The following RIMS2 variants were observed in gnomAD, a reference collection of about 807,000 sequenced individuals.
The protein encoded by RIMS2 is regulating synaptic membrane exocytosis protein 2.
A neutral mutation model predicts 174.4 loss-of-function variants in RIMS2; 59 were observed. That is an observed-to-expected ratio of 0.34 (90% CI 0.27 to 0.42). The LOEUF (loss-of-function observed/expected upper bound fraction) is 0.42. Ranked by LOEUF, RIMS2 falls within the 10% of genes least tolerant of loss-of-function variation. The pLI is 1.00. For synonymous variants in RIMS2, 606 were observed against 572.5 expected, an observed-to-expected ratio of 1.06 and a Z score of -0.84; for missense variants, 1,620 against 1,666.3, an observed-to-expected ratio of 0.97 and a Z score of 0.48.
chr8:103,715,940 T>G (rs1326276841), intron 2 of RIMS2, among the ~76,000 whole-genome samples: 4 of 152,114 alleles, frequency 2.6e-5, no homozygotes, highest in African/African-American at 9.6e-5. Context: ...TTCTTAAACA[T>G]TTTTCAGTTT....
intron 1 of RIMS2, among the ~76,000 whole-genome samples, chr8:103,643,112 T>C (rs913389976): frequency 2.0e-5 from 3 of 152,098 alleles, no homozygotes; most frequent in African/African-American, 7.2e-5. Flanking sequence ...TTTTGTGTTT[T>C]TGTTTTTCAG....
intron 19 of RIMS2, among the ~76,000 whole-genome samples, chr8:104,081,097 C>T (rs1313105156): frequency 6.6e-6 from 1 of 151,900 alleles, no homozygotes; most frequent in African/African-American, 2.4e-5. Flanking sequence ...AAACTTACTA[C>T]CTCAATATAA....
intron 1 of RIMS2, among the ~76,000 whole-genome samples, chr8:103,602,912 T>A (rs2094829891): frequency 6.6e-6 from 1 of 152,238 alleles, no homozygotes; most frequent in South Asian, 2.1e-4. Context: ...TGAAATAATT[T>A]ACAGTCCCAC....
chr8:103,553,111 A>T (rs1301448691), intron 1 of RIMS2, among the ~76,000 whole-genome samples: 4 of 152,118 alleles, frequency 2.6e-5, no homozygotes, highest in African/African-American at 9.7e-5. Context: ...TACCCAAAGG[A>T]TTATAAATCA....
chr8:103,768,070 CA>C (rs2098199226), intron 3 of RIMS2, among the ~76,000 whole-genome samples: 1 of 152,090 alleles, frequency 6.6e-6, no homozygotes, highest in Admixed American at 6.5e-5. Flanking sequence ...AATGATGAGG[CA>C]ATGTGGTTGG....
intron 3 of RIMS2, among the ~76,000 whole-genome samples, chr8:103,857,683 T>G (rs1406484415): frequency 6.6e-6 from 1 of 152,218 alleles, no homozygotes; most frequent in African/African-American, 2.4e-5. Flanking sequence ...CTAATCAATT[T>G]GTTGTTTTTA....
At chr8:104,064,374 G>A (rs2154560809) in intron 19 of RIMS2, among the ~76,000 whole-genome samples, 1 of 152,154 alleles carries the variant, frequency 6.6e-6, no homozygotes, top group South Asian at 2.1e-4. Flanking sequence ...AATATTTTGA[G>A]CTATTTATTA....
intron 1 of RIMS2, among the ~76,000 whole-genome samples, chr8:103,607,267 G>A (rs1337220307): frequency 6.6e-6 from 1 of 152,028 alleles, no homozygotes; most frequent in East Asian, 1.9e-4. Flanking sequence ...ATGAAGCTTA[G>A]TTTGGCTGGA....
Position 104,180,831 on chromosome 8 carries a change from G to A in RIMS2, c.3335-64085G>A, listed in dbSNP as rs80264211. ...TATTAATAAAGTAACTAGGACAAGG[G>A]CAAAAAAGTAATCAGAAGCAATGTT... On this transcript the variant is annotated intron_variant, in intron 19 of 23. Coordinates refer to ENST00000504942, the Ensembl canonical transcript of RIMS2. 5.7e-3 allele frequency among the ~76,000 whole-genome samples: 860 copies of A among 151,740 alleles called. 6 individuals are homozygous for A. The highest frequency in any genetic ancestry group is 0.019 in the African/African-American group (796 of 41,498).
intron 2 of RIMS2, among the ~76,000 whole-genome samples, chr8:103,714,593 C>T (rs1018099791): frequency 6.6e-6 from 1 of 152,044 alleles, no homozygotes; most frequent in Non-Finnish European, 1.5e-5. Flanking sequence ...ACATTAGTTT[C>T]CTAGGAGACT....
chr8:103,768,327 T>A, intron 3 of RIMS2: 1 of 664,184 alleles, frequency 1.5e-6, no homozygotes, highest in South Asian at 1.6e-5. Context: ...CAGAAACTCA[T>A]TGAAGTGGAT....
At chr8:103,668,486 C>G (rs1332426189) in intron 1 of RIMS2, among the ~76,000 whole-genome samples, 1 of 151,958 alleles carries the variant, frequency 6.6e-6, no homozygotes, top group Non-Finnish European at 1.5e-5. Context: ...AATGGCCAAT[C>G]AGGTAGCAGA....
intron 1 of RIMS2, among the ~76,000 whole-genome samples, chr8:103,666,306 G>C (rs887759597): frequency 6.6e-6 from 1 of 152,150 alleles, no homozygotes; most frequent in Admixed American, 6.5e-5. Flanking sequence ...TTAGATTACA[G>C]TTCACTATGT....
At chr8:103,637,513 G>A (rs2096116626) in intron 1 of RIMS2, among the ~76,000 whole-genome samples, 1 of 152,116 alleles carries the variant, frequency 6.6e-6, no homozygotes, top group Non-Finnish European at 1.5e-5. Context: ...TTTTAAAAAT[G>A]TTTTATAGAA....
intron 3 of RIMS2, among the ~76,000 whole-genome samples, chr8:103,845,127 C>G (rs961086180): frequency 6.6e-6 from 1 of 152,002 alleles, no homozygotes; most frequent in Non-Finnish European, 1.5e-5. Flanking sequence ...GAAAGTTAAA[C>G]CTACAATCAC....
chr8:103,759,724 A>G (rs1050536899), intron 2 of RIMS2, among the ~76,000 whole-genome samples: 13 of 152,154 alleles, frequency 8.5e-5, no homozygotes, highest in African/African-American at 2.9e-4. Flanking sequence ...GACTTTGCAG[A>G]AGAAGCTGCA....
chr8:103,680,495 T>C (rs1256649655), intron 1 of RIMS2, among the ~76,000 whole-genome samples: 1 of 152,044 alleles, frequency 6.6e-6, no homozygotes, highest in Non-Finnish European at 1.5e-5. Context: ...TTTTGTTTTG[T>C]TTTATATAGC....
intron 16 of RIMS2, among the ~76,000 whole-genome samples, chr8:103,982,318 A>G (rs2093976068): frequency 6.6e-6 from 1 of 152,156 alleles, no homozygotes; most frequent in South Asian, 2.1e-4. Flanking sequence ...ACAAACATTT[A>G]AAGAAGAACC....
At chr8:104,198,149 C>T (rs1429313868) in intron 19 of RIMS2, among the ~76,000 whole-genome samples, 3 of 151,956 alleles carry the variant, frequency 2.0e-5, no homozygotes, top group Admixed American at 6.6e-5. Flanking sequence ...GGATGCGGTT[C>T]GCCTCAAGAT....
Sources: allele counts gnomAD v4.1 joint callset (sites outside exome capture counted in the v4.1 genomes callset), GRCh38; gene constraint gnomAD v4.1.1; transcripts MANE v1.5; gene names NCBI Gene and HGNC (gene_info 2026-07-23, HGNC 2026-07-21).